The following MICAL2 variants were observed in gnomAD, a reference collection of about 807,000 sequenced individuals.
MICAL2 encodes the protein microtubule associated monooxygenase, calponin and LIM domain containing 2.
In MICAL2, 77 loss-of-function variants were observed where a neutral mutation model predicts 127.3. That is an observed-to-expected ratio of 0.60 (90% CI 0.50 to 0.73). The LOEUF (loss-of-function observed/expected upper bound fraction) is 0.73. Ranked by LOEUF, MICAL2 falls within the 30% of genes least tolerant of loss-of-function variation. The pLI is 0.00. For missense variants in MICAL2, 1,351 were observed against 1,434.4 expected, an observed-to-expected ratio of 0.94 and a Z score of 0.94; for synonymous variants, 570 against 551.1, an observed-to-expected ratio of 1.03 and a Z score of -0.48.
intron 15 of MICAL2, among the ~76,000 whole-genome samples, chr11:12,234,339 A>G (rs1027395047): frequency 1.3e-5 from 2 of 151,972 alleles, no homozygotes; most frequent in African/African-American, 4.8e-5. Context: ...AAGATTATGC[A>G]TGAAGCATTC....
chr11:12,151,970 A>G (rs1853624179), intron 2 of MICAL2, among the ~76,000 whole-genome samples: 1 of 152,008 alleles, frequency 6.6e-6, no homozygotes, highest in Admixed American at 6.6e-5. Context: ...AGTTTGATGA[A>G]AGAAGGGCAG....
At chr11:12,327,096 A>G in intron 31 of MICAL2, 1 of 1,294,736 alleles carries the variant, frequency 7.7e-7, no homozygotes, top group Non-Finnish European at 1.1e-6. Flanking sequence ...TTCTCCTGGA[A>G]AGTAAGTGGC....
intron 31 of MICAL2, among the ~76,000 whole-genome samples, chr11:12,324,985 C>T (rs1019492571): frequency 2.0e-5 from 3 of 152,188 alleles, no homozygotes; most frequent in African/African-American, 7.2e-5. Flanking sequence ...ATGCCTCTTC[C>T]TTGTATTTTC....
At position 12,304,649 on chromosome 11, in the gene MICAL2, C is replaced by CACACAT. The variant is rs749632609; in HGVS notation, c.5212+9797_5212+9798insTACACA. Among the ~76,000 whole-genome samples the CACACAT allele has an allele frequency of 5.5e-4, 73 of 131,592 alleles. 2 individuals carry two copies. Among genetic ancestry groups the CACACAT allele is most frequent in the Non-Finnish European group, 5.5e-4 (34 of 61,834 alleles). 86.3% of individuals were successfully genotyped at this position (131,592 alleles called of 152,430 possible). A position where few individuals can be genotyped will look rare whatever the true frequency, so the allele number is the denominator to read the frequency against. ...AAACTCTGTCTCAAACACACACACA[C>CACACAT]ACACACACACACACACACACACACA... On this transcript the variant is annotated intron_variant, in intron 29 of 34. Transcript: ENST00000646065.
At chr11:12,213,051 G>A (rs1855699891) in intron 6 of MICAL2, among the ~76,000 whole-genome samples, 2 of 151,026 alleles carry the variant, frequency 1.3e-5, no homozygotes, top group South Asian at 4.2e-4. Flanking sequence ...AGGTCCTGTA[G>A]ATTTTAGAAA....
intron 3 of MICAL2, among the ~76,000 whole-genome samples, chr11:12,198,624 G>A (rs1037923555): frequency 7.9e-5 from 12 of 152,116 alleles, no homozygotes; most frequent in Admixed American, 2.0e-4. Context: ...ATGGTGGCAC[G>A]TCCCTGGCAC....
intron 32 of MICAL2, among the ~76,000 whole-genome samples, chr11:12,337,519 T>C (rs1363825643): frequency 6.6e-6 from 1 of 152,212 alleles, no homozygotes; most frequent in African/African-American, 2.4e-5. Context: ...TTGCTCTTGC[T>C]TCTCTAGTTC....
chr11:12,135,637 C>T (rs1851773170), intron 1 of MICAL2, among the ~76,000 whole-genome samples: 1 of 152,174 alleles, frequency 6.6e-6, no homozygotes, highest in African/African-American at 2.4e-5. Context: ...TTGCCTAGGG[C>T]CACCCAACTA....
In MICAL2 at chr11:12,150,642, C is replaced by G. The variant is rs142755069; in HGVS notation, c.-77-11437C>G. Among the ~76,000 whole-genome samples, 339 of 152,194 alleles carry G rather than the reference C, an allele frequency of 2.2e-3. 2 individuals are homozygous for G. Among genetic ancestry groups the G allele is most frequent in the Middle Eastern group, 3.4e-3 (1 of 294 alleles). ...TGTGACTTTGATGCCTCTTCCCCAGCATCCCTCTATATCCTCCAGACTAAT... is the reference window on the plus strand; with the variant it reads ...TGTGACTTTGATGCCTCTTCCCCAGGATCCCTCTATATCCTCCAGACTAAT... On this transcript the variant is annotated intron_variant, in intron 2 of 27. Coordinates refer to ENST00000683283, the MANE Select transcript of MICAL2 (RefSeq NM_001282663.2).
intron 32 of MICAL2, among the ~76,000 whole-genome samples, chr11:12,341,406 C>T (rs1043335343): frequency 1.3e-5 from 2 of 151,892 alleles, no homozygotes; most frequent in African/African-American, 2.4e-5. Context: ...AAAAAACACA[C>T]ACCAATACAT....
intron 2 of MICAL2, among the ~76,000 whole-genome samples, chr11:12,160,568 C>T (rs1354458525): frequency 6.6e-6 from 1 of 152,234 alleles, no homozygotes; most frequent in Non-Finnish European, 1.5e-5. Context: ...ACACTCACAT[C>T]CCTGTGTGGG....
chr11:12,268,575 G>T (rs1387349997), downstream of MICAL2, among the ~76,000 whole-genome samples: 1 of 152,208 alleles, frequency 6.6e-6, no homozygotes, highest in African/African-American at 2.4e-5. Context: ...CATATGGGTG[G>T]CTCAGCATGG....
At chr11:12,270,514 T>C (rs1057001170) in intron 24 of MICAL2, among the ~76,000 whole-genome samples, 1 of 152,176 alleles carries the variant, frequency 6.6e-6, no homozygotes, top group African/African-American at 2.4e-5. Context: ...TCCTTGTCCC[T>C]CTGCTGTTGA....
At chr11:12,359,866 G>A (rs1251343321), downstream of MICAL2, among the ~76,000 whole-genome samples, 1 of 152,108 alleles carries the variant, frequency 6.6e-6, no homozygotes, top group East Asian at 1.9e-4. Context: ...TTAGACAAAA[G>A]GTGCTCTGCA....
intron 33 of MICAL2, among the ~76,000 whole-genome samples, chr11:12,353,475 A>G (rs1490042294): frequency 1.3e-5 from 2 of 150,698 alleles, no homozygotes; most frequent in African/African-American, 5.0e-5. Context: ...CTTTATCTAT[A>G]GCCTTCCTTT....
intron 24 of MICAL2, among the ~76,000 whole-genome samples, chr11:12,257,578 T>A (rs145441882): frequency 6.6e-6 from 1 of 152,222 alleles, no homozygotes; most frequent in East Asian, 1.9e-4. Context: ...ACTGCCTGGG[T>A]TCCACTCCAG....
chr11:12,354,327 A>AT (rs1190942159), intron 33 of MICAL2, among the ~76,000 whole-genome samples: 1 of 152,200 alleles, frequency 6.6e-6, no homozygotes, highest in African/African-American at 2.4e-5. Context: ...AAAGACAAAA[A>AT]TTAGCCCAGT....
chr11:12,255,768 C>T lies in MICAL2; in HGVS notation c.2955+18C>T. 6.3e-7 allele frequency: 1 copy of T among 1,595,518 alleles called. No individual in the cohort carries two copies. The highest frequency in any genetic ancestry group is 8.6e-7 in the Non-Finnish European group (1 of 1,167,072). ...CAGACCTGGTAAGGACATGCACCCC[C>T]AGCCTTCACCCACAGACACTGGCTC... On this transcript the variant is annotated intron_variant, in intron 23 of 27. Transcript: ENST00000683283.
intron 2 of MICAL2, chr11:12,161,715 A>G (rs10437582): frequency 0.93 from 174,454 of 187,270 alleles, 81,757 homozygotes; most frequent in Non-Finnish European, 0.98. Context: ...GGTGCTATAT[A>G]TAGTGTACTT....
Sources: allele counts gnomAD v4.1 joint callset (sites outside exome capture counted in the v4.1 genomes callset), GRCh38; gene constraint gnomAD v4.1.1; transcripts MANE v1.5; gene names NCBI Gene and HGNC (gene_info 2026-07-23, HGNC 2026-07-21).